ABAT: variants seen among roughly 807,000 people sequenced by gnomAD.
The protein encoded by ABAT is 4-aminobutyrate aminotransferase.
In ABAT, 45 loss-of-function variants were observed where a neutral mutation model predicts 64.6. That is an observed-to-expected ratio of 0.70 (90% CI 0.55 to 0.89). The LOEUF is 0.89. ABAT is among the 40% of genes least tolerant of loss of function. The pLI is 0.00. For synonymous variants in ABAT, 297 were observed against 250.5 expected (o/e 1.19, Z -1.75); for missense variants, 633 against 658.4 (o/e 0.96, Z 0.42).
chr16:8,682,447 A>G (rs748064869), intron 1 of ABAT, among the ~76,000 whole-genome samples: 1 of 152,198 alleles, frequency 6.6e-6, no homozygotes, highest in Non-Finnish European at 1.5e-5. Context: ...TCTGTCTAGC[A>G]CAGTGTTTTT....
At position 8,781,594 on chromosome 16, in the gene ABAT, G is replaced by C; in HGVS notation, c.*164G>C. 3.0e-6 allele frequency: 2 copies of C among 658,934 alleles called. No homozygotes were observed. The highest frequency in any genetic ancestry group is 2.6e-6 in the Non-Finnish European group (1 of 386,966). The allele number at this position is 658,934 out of a possible 1,614,324, so 40.8% of individuals were successfully genotyped here. On this transcript the variant is annotated 3_prime_UTR_variant, in exon 16 of 16. Coordinates refer to ENST00000268251, the MANE Select transcript of ABAT (RefSeq NM_020686.6). The surrounding 1 kb of genome is among the most constrained non-coding windows in gnomAD (Gnocchi z 4.5). ...TTGGTGGTCTTGGGGGAGGGGAGGG[G>C]AGGGAAGGGCTGGTGTTGATTTTCC... is the stretch of plus-strand genomic sequence containing the variant.
chr16:8,735,543 G>A (rs543724139), intron 1 of ABAT, among the ~76,000 whole-genome samples, 156 bp from the exon 2 acceptor site: 1 of 152,246 alleles, frequency 6.6e-6, no homozygotes, highest in Admixed American at 6.5e-5. Context: ...ACCTTGCCTG[G>A]CCTAATATAT....
chr16:8,738,754 C>A (rs1199085012), intron 2 of ABAT, among the ~76,000 whole-genome samples: 1 of 151,838 alleles, frequency 6.6e-6, no homozygotes, highest in African/African-American at 2.4e-5. Flanking sequence ...AAGTGATCCT[C>A]CTGCCTCAGC....
At chr16:8,732,065 C>G in intron 1 of ABAT, among the ~76,000 whole-genome samples, 1 of 152,086 alleles carries the variant, frequency 6.6e-6, no homozygotes, top group East Asian at 1.9e-4. Context: ...GTTGGCCAGG[C>G]TGGTCTTGAA....
intron 6 of ABAT, among the ~76,000 whole-genome samples, chr16:8,758,930 C>T (rs549110331): frequency 4.6e-5 from 7 of 152,014 alleles, no homozygotes; most frequent in East Asian, 1.9e-4. Flanking sequence ...GGTGAAACCC[C>T]GTCTCTACTA....
Position 8,781,478 on chromosome 16 carries a change from C to A in ABAT, c.*48C>A. 6.3e-7 allele frequency: 1 copy of A among 1,589,950 alleles called. No individual in the cohort carries two copies. The highest frequency in any genetic ancestry group is 1.1e-5 in the South Asian group (1 of 90,708). On this transcript the variant is annotated 3_prime_UTR_variant, in exon 16 of 16. Transcript: ENST00000268251. The surrounding 1 kb of genome is among the most constrained non-coding windows in gnomAD (Gnocchi z 4.5). Reference sequence around the variant, plus strand: ...AGAAAGCCCGGATCCCAACAGTTGTCAAATTGATTAGTTTGCCTAATTCAT... The same window carrying A: ...AGAAAGCCCGGATCCCAACAGTTGTAAAATTGATTAGTTTGCCTAATTCAT...
Position 8,776,880 on chromosome 16 carries a change from ATTTAT to A in ABAT, c.1269+408_1269+412del, listed in dbSNP as rs1204866977. ...CCTGCCGGCACTGGTTATCTTTCTT[ATTTAT>A]TTTATTTTATTTTATTTGTCTATTT... On this transcript the variant is annotated intron_variant, in intron 14 of 15. Coordinates refer to ENST00000268251, the MANE Select transcript of ABAT (RefSeq NM_020686.6). The surrounding 1 kb of genome is among the most constrained non-coding windows in gnomAD (Gnocchi z 4.4). Among the ~76,000 whole-genome samples the A allele has an allele frequency of 6.7e-5, 10 of 150,102 alleles. No homozygotes were observed. In the South Asian group the frequency reaches 8.5e-4, roughly 13 times the overall value.
rs775462540 is a variant in ABAT at position 8,774,989 on chromosome 16, G to A, written c.1054G>A (p.Val352Met). The change falls in exon 13 of 16, where the codon GTG becomes ATG. Residue 352 changes from valine to methionine, a missense_variant. Transcript: ENST00000268251. ...EHWGLDDPADVMTFSKKMMTG... is the reference protein window; with the variant it reads ...EHWGLDDPADMMTFSKKMMTG... The stretch of plus-strand genomic sequence containing the variant: ...CTGGGGCCTGGATGACCCAGCAGAC[G>A]TGATGACCTTCAGCAAGAAGATGAT... The A allele has an allele frequency of 1.3e-5, 21 of 1,614,126 alleles. No homozygotes were observed. Among genetic ancestry groups the A allele is most frequent in the African/African-American group, 2.7e-5 (2 of 74,940 alleles).
intron 5 of ABAT, among the ~76,000 whole-genome samples, chr16:8,756,128 G>A (rs996117639): frequency 2.0e-5 from 3 of 152,042 alleles, no homozygotes; most frequent in East Asian, 1.9e-4. Context: ...CACGAGACAC[G>A]AGAATCGCTT....
Position 8,772,476 on chromosome 16 carries a change from G to A in ABAT, c.817-304G>A, listed in dbSNP as rs565057394. On this transcript the variant is annotated intron_variant, in intron 11 of 15. Transcript: ENST00000268251. ...TATTTTCTCATTCAGTCCTCTCCACGACCCTGGAAGGTGGATTCTGTCAGT... is the reference window on the plus strand; with the variant it reads ...TATTTTCTCATTCAGTCCTCTCCACAACCCTGGAAGGTGGATTCTGTCAGT... Among the ~76,000 whole-genome samples the A allele has an allele frequency of 1.7e-4, 26 of 152,244 alleles. No homozygotes were observed. In the South Asian group the frequency reaches 3.9e-3, roughly 23 times the overall value.
At chr16:8,755,502 T>C (rs562544939) in intron 5 of ABAT, among the ~76,000 whole-genome samples, 8 of 152,332 alleles carry the variant, frequency 5.3e-5, no homozygotes, top group Admixed American at 1.3e-4. Flanking sequence ...AGTTCTTTTC[T>C]CAGAGAGAGA....
chr16:8,745,898 G>A, intron 2 of ABAT, 103 bp from the exon 3 acceptor site: 1 of 1,126,554 alleles, frequency 8.9e-7, no homozygotes, highest in East Asian at 2.4e-5. Flanking sequence ...TGAGGCTAAG[G>A]TCCTGGCACT....
chr16:8,676,973 C>CTAAAGAG (rs1409599818), intron 1 of ABAT, among the ~76,000 whole-genome samples: 1 of 152,178 alleles, frequency 6.6e-6, no homozygotes, highest in Non-Finnish European at 1.5e-5. Context: ...TCTGTTTCTG[C>CTAAAGAG]CCCCACCCAG....
At chr16:8,728,046 G>A (rs1443585006) in intron 1 of ABAT, among the ~76,000 whole-genome samples, 1 of 150,834 alleles carries the variant, frequency 6.6e-6, no homozygotes, top group East Asian at 2.0e-4. Context: ...ACTCCAGCCT[G>A]GGCGACAGAG....
chr16:8,744,201 G>T (rs781620632), intron 2 of ABAT, among the ~76,000 whole-genome samples: 2 of 152,114 alleles, frequency 1.3e-5, no homozygotes. Flanking sequence ...AAGAAAAGAG[G>T]TTTAATTGGC....
chr16:8,765,005 A>G (rs2059903714), intron 8 of ABAT, among the ~76,000 whole-genome samples, 175 bp downstream of exon 8: 1 of 152,092 alleles, frequency 6.6e-6, no homozygotes, highest in Non-Finnish European at 1.5e-5. Context: ...ACAGTGGGGT[A>G]TGGTGCAGAG....
intron 6 of ABAT, among the ~76,000 whole-genome samples, chr16:8,761,643 G>A (rs1194837072): frequency 6.6e-6 from 1 of 152,198 alleles, no homozygotes; most frequent in African/African-American, 2.4e-5. Context: ...TAGAGAGGTG[G>A]CAGCTGACCT....
chr16:8,713,871 T>G (rs1223262245), intron 1 of ABAT: 3 of 456,078 alleles, frequency 6.6e-6, no homozygotes, highest in Non-Finnish European at 1.3e-5. Flanking sequence ...GCACCGTGAG[T>G]GCAAATGTGT....
At position 8,742,230 on chromosome 16, in the gene ABAT, A is replaced by T. The variant is rs144177027; in HGVS notation, c.71-3771A>T. ...CATTATCGCAGTTCCACTTGATCCC[A>T]CGCTCTCCAGTCATTTCTCTCTGGA... On this transcript the variant is annotated intron_variant, in intron 2 of 15. Transcript: ENST00000268251. 5.9e-3 allele frequency among the ~76,000 whole-genome samples: 897 copies of T among 152,036 alleles called. 3 individuals carry two copies. The highest frequency in any genetic ancestry group is 0.037 in the Middle Eastern group (11 of 294).
Sources: allele counts gnomAD v4.1 joint callset (sites outside exome capture counted in the v4.1 genomes callset), GRCh38; gene constraint gnomAD v4.1.1; non-coding constraint Gnocchi (gnomAD v3.1); transcripts MANE v1.5; gene names NCBI Gene and HGNC (gene_info 2026-07-23, HGNC 2026-07-21).